IGF2BP3: variants seen among roughly 807,000 people sequenced by gnomAD.
IGF2BP3 encodes insulin like growth factor 2 mRNA binding protein 3.
A neutral mutation model predicts 73.8 loss-of-function variants in IGF2BP3; 9 were observed. The ratio of observed to expected loss-of-function variants is 0.12; its 90% CI spans 0.07 to 0.21. IGF2BP3 has a LOEUF of 0.21. Among genes scored for constraint, IGF2BP3 ranks in the 10% least tolerant of loss-of-function variants. The pLI, the probability that IGF2BP3 is intolerant of heterozygous loss-of-function variation, is 1.00. For synonymous variants in IGF2BP3, 258 were observed against 256.7 expected, an observed-to-expected ratio of 1.01 and a Z score of -0.05; for missense variants, 542 against 714.0, an observed-to-expected ratio of 0.76 and a Z score of 2.75.
intron 3 of IGF2BP3, among the ~76,000 whole-genome samples, chr7:23,367,252 A>G (rs920635979): frequency 1.9e-4 from 29 of 152,146 alleles, no homozygotes; most frequent in Admixed American, 1.7e-3. Flanking sequence ...TGCTGGGATT[A>G]TAAGTGTGAG....
chr7:23,438,001 T>C (rs1022161932), intron 2 of IGF2BP3, among the ~76,000 whole-genome samples: 1 of 152,254 alleles, frequency 6.6e-6, no homozygotes, highest in African/African-American at 2.4e-5. Flanking sequence ...AGATGAATAC[T>C]ATTTGGCTTC....
At chr7:23,366,714 T>C (rs144304357) in intron 3 of IGF2BP3, among the ~76,000 whole-genome samples, 5 of 152,260 alleles carry the variant, frequency 3.3e-5, no homozygotes, top group Admixed American at 6.5e-5. Flanking sequence ...ATCTTTGATG[T>C]CTTACTCAAA....
At chr7:23,438,606 G>A (rs867508130) in intron 2 of IGF2BP3, among the ~76,000 whole-genome samples, 1 of 151,210 alleles carries the variant, frequency 6.6e-6, no homozygotes, top group South Asian at 2.1e-4. Flanking sequence ...CAGTGAGACC[G>A]ACTCTATTTT....
intron 7 of IGF2BP3, among the ~76,000 whole-genome samples, chr7:23,346,882 C>T (rs529980162): frequency 2.1e-4 from 32 of 152,274 alleles, no homozygotes; most frequent in African/African-American, 7.7e-4. Context: ...TGAGTCGCCA[C>T]ACCAGGCCTA....
At chr7:23,419,749 A>G (rs1787291808) in intron 2 of IGF2BP3, among the ~76,000 whole-genome samples, 1 of 152,210 alleles carries the variant, frequency 6.6e-6, no homozygotes, top group Non-Finnish European at 1.5e-5. Flanking sequence ...GCTACTCCAG[A>G]TGCTGAGGCA....
intron 5 of IGF2BP3, among the ~76,000 whole-genome samples, chr7:23,360,601 A>G (rs758798915): frequency 2.6e-5 from 4 of 152,138 alleles, no homozygotes; most frequent in Non-Finnish European, 5.9e-5. Flanking sequence ...ACACATTTCC[A>G]TCTTCTTCTC....
At chr7:23,442,995 T>G in intron 2 of IGF2BP3, among the ~76,000 whole-genome samples, 1 of 152,252 alleles carries the variant, frequency 6.6e-6, no homozygotes, top group South Asian at 2.1e-4. Context: ...AATTATACTG[T>G]TATTAAACTT....
chr7:23,408,994 G>A (rs1016607144), intron 3 of IGF2BP3, among the ~76,000 whole-genome samples: 1 of 152,294 alleles, frequency 6.6e-6, no homozygotes, highest in Non-Finnish European at 1.5e-5. Flanking sequence ...ATGGCTTCAG[G>A]ATGAAACTGT....
chr7:23,469,417 C>G lies in IGF2BP3; in HGVS notation c.175+519G>C, dbSNP rs1788653254. Reference sequence around the variant, plus strand: ...CCTCCCACAGGGTGGGGAGGAAGCGCGGGGCCGCCTGTGCGAGGCACCAGC... The same window carrying G: ...CCTCCCACAGGGTGGGGAGGAAGCGGGGGGCCGCCTGTGCGAGGCACCAGC... On this transcript the variant is annotated intron_variant, in intron 1 of 14. Transcript: ENST00000258729. The surrounding 1 kb of genome is among the most constrained non-coding windows in gnomAD (Gnocchi z 6.1). The G allele has an allele frequency of 6.6e-6, 1 of 152,344 alleles. No homozygotes were observed. The highest frequency in any genetic ancestry group is 1.5e-5 in the Non-Finnish European group (1 of 68,172). 9.4% of individuals were successfully genotyped at this position (152,344 alleles called of 1,614,324 possible). A position where few individuals can be genotyped will look rare whatever the true frequency, so the allele number is the denominator to read the frequency against.
intron 3 of IGF2BP3, among the ~76,000 whole-genome samples, chr7:23,404,127 G>A (rs1786754552): frequency 6.6e-6 from 1 of 150,810 alleles, no homozygotes; most frequent in Non-Finnish European, 1.5e-5. Context: ...GGGTGACAGA[G>A]TCTTGAAAAA....
At chr7:23,385,457 G>C (rs1262795890) in intron 3 of IGF2BP3, among the ~76,000 whole-genome samples, 3 of 152,130 alleles carry the variant, frequency 2.0e-5, no homozygotes, top group Admixed American at 2.0e-4. Context: ...CTGGACATTA[G>C]AATTTTTAAA....
intron 2 of IGF2BP3, among the ~76,000 whole-genome samples, chr7:23,427,327 C>A (rs879266809): frequency 6.6e-6 from 1 of 152,092 alleles, no homozygotes; most frequent in African/African-American, 2.4e-5. Flanking sequence ...ATAGGAAACT[C>A]AATAAAGTAT....
Position 23,385,787 on chromosome 7 carries a change from G to C in IGF2BP3, c.286-24046C>G, listed in dbSNP as rs185479353. On this transcript the variant is annotated intron_variant, in intron 3 of 14. Transcript: ENST00000258729. ...GGTCTCACCACATTGCCCAAAGCTG[G>C]TCTCAAATGCCTGGGATGAAGCAGT... Among the ~76,000 whole-genome samples, 908 of 151,838 alleles carry C rather than the reference G, an allele frequency of 6.0e-3. 3 individuals are homozygous for C. The highest frequency in any genetic ancestry group is 9.3e-3 in the Non-Finnish European group (630 of 67,954).
At chr7:23,379,612 A>T (rs2128516221) in intron 3 of IGF2BP3, among the ~76,000 whole-genome samples, 1 of 152,326 alleles carries the variant, frequency 6.6e-6, no homozygotes, top group East Asian at 1.9e-4. Flanking sequence ...ATCTTTTAGG[A>T]AATCAATTCT....
chr7:23,389,674 A>G (rs1191936762), intron 3 of IGF2BP3, among the ~76,000 whole-genome samples: 1 of 152,062 alleles, frequency 6.6e-6, no homozygotes, highest in East Asian at 1.9e-4. Flanking sequence ...GGAGAAAAGA[A>G]GCCATGAATA....
chr7:23,361,500 A>T (rs373966792), intron 5 of IGF2BP3, 34 bp downstream of exon 5: 5 of 1,552,092 alleles, frequency 3.2e-6, no homozygotes, highest in Admixed American at 1.7e-5. Context: ...TAACTTAGTT[A>T]TTATATATAG....
intron 2 of IGF2BP3, among the ~76,000 whole-genome samples, chr7:23,432,519 G>A (rs943508924): frequency 4.0e-5 from 6 of 151,334 alleles, no homozygotes; most frequent in African/African-American, 1.2e-4. Flanking sequence ...TGTCAAACAG[G>A]AAAAAAACAA....
intron 3 of IGF2BP3, chr7:23,413,791 T>A (rs1787103974): frequency 6.6e-6 from 1 of 152,170 alleles, no homozygotes; most frequent in Admixed American, 6.5e-5. Context: ...ACAGGATGGA[T>A]GAGAAACCAC....
chr7:23,461,112 C>T (rs771113416), intron 2 of IGF2BP3, among the ~76,000 whole-genome samples: 3 of 152,134 alleles, frequency 2.0e-5, no homozygotes, highest in Non-Finnish European at 2.9e-5. Context: ...CTCACTTATT[C>T]ATCCATCTAC....
Sources: gnomAD v4.1 joint callset for allele counts (sites outside exome capture counted in the v4.1 genomes callset) on GRCh38, gnomAD v4.1.1 for gene constraint, Gnocchi (gnomAD v3.1) non-coding constraint, MANE v1.5 for transcripts, NCBI Gene and HGNC (gene_info 2026-07-23, HGNC 2026-07-21) for gene names.